Variants in SAMD12 observed in about 807,000 individuals in gnomAD.
SAMD12 encodes the protein sterile alpha motif domain-containing protein 12.
A neutral mutation model predicts 15.0 loss-of-function variants in SAMD12; 9 were observed. That is an observed-to-expected ratio of 0.60 (90% CI 0.36 to 1.05). SAMD12 has a LOEUF of 1.05. Among genes scored for constraint, SAMD12 ranks in the 50% least tolerant of loss-of-function variants. The probability of loss-of-function intolerance (pLI) is 0.01; values close to 1 mark genes in which losing one functional copy is unlikely to be tolerated. For synonymous variants in SAMD12, 86 were observed against 90.1 expected (o/e 0.96, Z 0.25); for missense variants, 230 against 234.2 (o/e 0.98, Z 0.12).
At chr8:118,153,088 T>A in the SAMD12 span, among the ~76,000 whole-genome samples, 40 of 152,340 alleles carry the variant, frequency 2.6e-4, no homozygotes, top group South Asian at 6.2e-4. Context: ...TAAGCATATT[T>A]TTCACTTGGT....
intron 3 of SAMD12, among the ~76,000 whole-genome samples, chr8:118,383,014 T>C (rs934747306): frequency 1.6e-4 from 24 of 152,324 alleles, no homozygotes; most frequent in African/African-American, 5.3e-4. Context: ...AATCTCCTAT[T>C]CCACCACCTC....
chr8:118,592,112 G>A (rs570473236), intron 1 of SAMD12, among the ~76,000 whole-genome samples: 7 of 151,966 alleles, frequency 4.6e-5, no homozygotes, highest in East Asian at 1.9e-4. Context: ...ACCTGAGGTC[G>A]GGAGTTCGAG....
intron 1 of SAMD12, among the ~76,000 whole-genome samples, chr8:118,618,907 T>C (rs1460929375): frequency 6.6e-6 from 1 of 151,904 alleles, no homozygotes; most frequent in Non-Finnish European, 1.5e-5. Context: ...TTTTTCCAGA[T>C]GTGGAGACTA....
intron 2 of SAMD12, among the ~76,000 whole-genome samples, chr8:118,509,022 A>T: frequency 6.6e-6 from 1 of 152,184 alleles, no homozygotes; most frequent in East Asian, 1.9e-4. Context: ...GTCATTTGCC[A>T]CTTGGGAGGC....
At chr8:118,544,898 C>T (rs750255534) in intron 2 of SAMD12, among the ~76,000 whole-genome samples, 5 of 152,064 alleles carry the variant, frequency 3.3e-5, no homozygotes, top group Non-Finnish European at 5.9e-5. Flanking sequence ...CTAGGTGCTT[C>T]GACATATAAC....
At chr8:118,158,843 T>G in the SAMD12 span, among the ~76,000 whole-genome samples, 10 of 152,110 alleles carry the variant, frequency 6.6e-5, no homozygotes, top group East Asian at 1.8e-3. Flanking sequence ...CTCCTCCCAG[T>G]TGAGAGCTGA....
At chr8:118,251,611 G>A (rs538796406) in intron 4 of SAMD12, among the ~76,000 whole-genome samples, 3 of 152,034 alleles carry the variant, frequency 2.0e-5, no homozygotes, top group Non-Finnish European at 4.4e-5. Context: ...TGCGTTGCTG[G>A]CCCCAGAATT....
intron 4 of SAMD12, among the ~76,000 whole-genome samples, chr8:118,264,655 G>A (rs534916712): frequency 9.9e-4 from 150 of 152,258 alleles, no homozygotes; most frequent in African/African-American, 3.5e-3. Flanking sequence ...ACGGGACCTG[G>A]CATCTGCATT....
At chr8:118,573,316 C>T (rs539555224) in intron 2 of SAMD12, among the ~76,000 whole-genome samples, 23 of 152,266 alleles carry the variant, frequency 1.5e-4, no homozygotes, top group African/African-American at 4.1e-4. Context: ...GAACTCCTGA[C>T]CTCAAGTGAT....
At chr8:118,506,212 A>G (rs1286993285) in intron 2 of SAMD12, among the ~76,000 whole-genome samples, 1 of 152,172 alleles carries the variant, frequency 6.6e-6, no homozygotes. Flanking sequence ...CTAACTCCTT[A>G]TCTACTTTTG....
chr8:118,485,950 G>T (rs533894713), intron 2 of SAMD12, among the ~76,000 whole-genome samples: 1 of 152,196 alleles, frequency 6.6e-6, no homozygotes, highest in East Asian at 1.9e-4. Flanking sequence ...TGAGGTACAC[G>T]AGAATTTCAT....
intron 3 of SAMD12, among the ~76,000 whole-genome samples, chr8:118,384,882 C>T (rs1359790146): frequency 6.6e-6 from 1 of 152,076 alleles, no homozygotes; most frequent in East Asian, 1.9e-4. Context: ...ATCAGAGGGA[C>T]CTCTTACAAC....
intron 4 of SAMD12, among the ~76,000 whole-genome samples, chr8:118,202,549 T>C (rs1819743104): frequency 6.6e-6 from 1 of 152,166 alleles, no homozygotes; most frequent in Non-Finnish European, 1.5e-5. Flanking sequence ...ATAACAGATC[T>C]GGGATGGATT....
In SAMD12 at chr8:118,444,619, T is replaced by A. The variant is rs144184836; in HGVS notation, c.193-4658A>T. On this transcript the variant is annotated intron_variant, in intron 2 of 3. Coordinates refer to ENST00000314727, the MANE Select transcript of SAMD12 (RefSeq NM_207506.3). The stretch of plus-strand genomic sequence containing the variant: ...GCTATGTTTTACAGTAATTCTGATT[T>A]GTATTTAACTAGAAAGAACTCTGAA... 1.3e-3 allele frequency among the ~76,000 whole-genome samples: 192 copies of A among 152,274 alleles called. 2 individuals carry two copies. The highest frequency in any genetic ancestry group is 4.3e-3 in the African/African-American group (177 of 41,570).
At chr8:118,269,276 T>C (rs1426634010) in intron 4 of SAMD12, among the ~76,000 whole-genome samples, 2 of 150,722 alleles carry the variant, frequency 1.3e-5, no homozygotes, top group South Asian at 2.1e-4. Context: ...AGGAAACAAA[T>C]GTAGAAGTGT....
rs1158124293 is a variant in SAMD12 at position 118,621,409 on chromosome 8, GGGGGCCAACCAAGCATCCCCAGCCCC to G, written c.13+369_13+394del. ...GGGCTGGGGACCTCTCCCACGTGAG[GGGGGCCAACCAAGCATCCCCAGCCCC>G]GGGGCCACCCAGCCTGCTCCGGAGG... is the stretch of plus-strand genomic sequence containing the variant. On this transcript the variant is annotated intron_variant, in intron 1 of 3. Transcript: ENST00000314727. The G allele has an allele frequency of 1.5e-3, 431 of 285,190 alleles. 8 individuals carry two copies. In the East Asian group the frequency reaches 0.03, roughly 20 times the overall value. 17.7% of individuals were successfully genotyped at this position (285,190 alleles called of 1,614,324 possible).
intron 2 of SAMD12, among the ~76,000 whole-genome samples, chr8:118,456,251 T>C (rs909568522): frequency 6.6e-6 from 1 of 152,212 alleles, no homozygotes; most frequent in African/African-American, 2.4e-5. Context: ...TTTTCTCAGA[T>C]GTTCTTGTGG....
intron 2 of SAMD12, among the ~76,000 whole-genome samples, chr8:118,456,400 T>A (rs922491905): frequency 1.3e-5 from 2 of 152,246 alleles, no homozygotes; most frequent in Non-Finnish European, 2.9e-5. Flanking sequence ...GGTGATCTGA[T>A]ATTTTCCTAC....
chr8:118,426,989 A>G (rs1395137308), intron 3 of SAMD12, among the ~76,000 whole-genome samples: 1 of 152,222 alleles, frequency 6.6e-6, no homozygotes, highest in Non-Finnish European at 1.5e-5. Flanking sequence ...GAAGACTCAG[A>G]CGAGCAGAAT....
Sources: allele counts gnomAD v4.1 joint callset (sites outside exome capture counted in the v4.1 genomes callset), GRCh38; gene constraint gnomAD v4.1.1; transcripts MANE v1.5; gene names NCBI Gene and HGNC (gene_info 2026-07-23, HGNC 2026-07-21).